Variants in MEGF11 observed in about 807,000 individuals in gnomAD.
MEGF11 encodes the protein multiple epidermal growth factor-like domains protein 11.
Under a neutral mutation model 146.6 loss-of-function variants are expected in MEGF11, and 126 were observed. That is an observed-to-expected ratio of 0.86 (90% CI 0.74 to 1.00). MEGF11 has a LOEUF of 1.00. Ranked by LOEUF, MEGF11 falls within the 50% of genes least tolerant of loss-of-function variation. The pLI is 0.00. For missense variants in MEGF11, 1,509 were observed against 1,521.2 expected, an observed-to-expected ratio of 0.99 and a Z score of 0.13; for synonymous variants, 532 against 583.4, an observed-to-expected ratio of 0.91 and a Z score of 1.27.
intron 1 of MEGF11, among the ~76,000 whole-genome samples, chr15:66,170,924 T>A (rs1319603743): frequency 6.6e-6 from 1 of 152,186 alleles, no homozygotes; most frequent in African/African-American, 2.4e-5. Flanking sequence ...GAGGTCCAGC[T>A]CAGGCTCCAA....
At chr15:66,131,479 G>A (rs1437993164) in intron 1 of MEGF11, among the ~76,000 whole-genome samples, 1 of 152,242 alleles carries the variant, frequency 6.6e-6, no homozygotes, top group Non-Finnish European at 1.5e-5. Context: ...TGCAAAGGTG[G>A]AGGCTAGAGA....
chr15:66,183,831 C>T (rs2090621418), intron 1 of MEGF11, among the ~76,000 whole-genome samples: 1 of 152,148 alleles, frequency 6.6e-6, no homozygotes, highest in Non-Finnish European at 1.5e-5. Flanking sequence ...ATGCCGCAGT[C>T]CCATGGACCT....
chr15:66,034,918 G>A (rs938662965), intron 5 of MEGF11, among the ~76,000 whole-genome samples: 1 of 152,170 alleles, frequency 6.6e-6, no homozygotes, highest in Non-Finnish European at 1.5e-5. Context: ...GTAAAAGTGA[G>A]CTCTCTCTGG....
intron 5 of MEGF11, among the ~76,000 whole-genome samples, chr15:66,028,648 G>A (rs374363091): frequency 2.0e-5 from 3 of 152,214 alleles, no homozygotes; most frequent in African/African-American, 7.2e-5. Context: ...AACCTAAATG[G>A]TCAAACAATA....
rs2081678468 is a variant in MEGF11, at chr15:65,982,341, T to C, written c.542A>G (p.His181Arg). Residue 181 changes from histidine to arginine, a missense_variant, in exon 6 of 26, where the codon CAC becomes CGC. Physicochemically the swap from His to Arg is conservative, Grantham distance 29. Transcript: ENST00000395614. This position sits in a 1 kb window ranked among gnomAD's most constrained non-coding sequence, Gnocchi z 5.6. ...GCACGGCAGCTGGCATCCCTTGCCG[T>C]GGGTGCCAGGTGCGCAGAGCTCCTC... Reference protein sequence around the residue: ...RCEELCAPGTHGKGCQLPCQC... With the variant: ...RCEELCAPGTRGKGCQLPCQC... 26 of 1,530,572 alleles carry C rather than the reference T, an allele frequency of 1.7e-5. No homozygotes were observed. Among genetic ancestry groups the C allele is most frequent in the Non-Finnish European group, 2.1e-5 (24 of 1,139,620 alleles). The allele number at this position is 1,530,572 out of a possible 1,614,324, so 94.8% of individuals were successfully genotyped here.
chr15:66,193,195 CT>C (rs1781025433), intron 1 of MEGF11, among the ~76,000 whole-genome samples: 1 of 152,172 alleles, frequency 6.6e-6, no homozygotes, highest in Non-Finnish European at 1.5e-5. Context: ...AAATCCTGTT[CT>C]TTGACTCCAA....
intron 25 of MEGF11, 134 bp downstream of exon 25, chr15:65,898,594 A>C: frequency 6.8e-7 from 1 of 1,462,458 alleles, no homozygotes. Context: ...AAGACAGTTC[A>C]CCTTAGAGAT....
At chr15:66,105,861 G>T (rs2087047444) in intron 4 of MEGF11, among the ~76,000 whole-genome samples, 1 of 152,220 alleles carries the variant, frequency 6.6e-6, no homozygotes, top group Non-Finnish European at 1.5e-5. Context: ...CAAGGCTATA[G>T]TCCCTGCACC....
intron 1 of MEGF11, among the ~76,000 whole-genome samples, chr15:66,143,998 G>A (rs1037687479): frequency 1.3e-5 from 2 of 152,124 alleles, no homozygotes; most frequent in Non-Finnish European, 2.9e-5. Flanking sequence ...GAGCTACAAA[G>A]GCAGAAATCA....
Position 65,982,049 on chromosome 15 carries a change from C to T in MEGF11, c.641+193G>A, listed in dbSNP as rs113058811. On this transcript the variant is annotated intron_variant, in intron 6 of 25. Transcript: ENST00000395614. The surrounding 1 kb of genome is among the most constrained non-coding windows in gnomAD (Gnocchi z 5.6). The stretch of plus-strand genomic sequence containing the variant: ...TTTAGACTCACAGGAGATTTCACAG[C>T]CAAGACTATCCCTCCTGGTCCCACC... Among the ~76,000 whole-genome samples the T allele has an allele frequency of 0.03, 4,601 of 152,266 alleles. 95 individuals carry two copies. The highest frequency in any genetic ancestry group is 0.051 in the Middle Eastern group (15 of 294).
chr15:66,097,810 G>T (rs1243271563), intron 4 of MEGF11, among the ~76,000 whole-genome samples: 2 of 151,394 alleles, frequency 1.3e-5, no homozygotes, highest in East Asian at 3.9e-4. Flanking sequence ...TGGTCCAGGA[G>T]CCAAGCCGAG....
At chr15:66,007,143 T>C (rs1329975894) in intron 5 of MEGF11, among the ~76,000 whole-genome samples, 1 of 152,220 alleles carries the variant, frequency 6.6e-6, no homozygotes, top group African/African-American at 2.4e-5. Context: ...GGAAGACTCA[T>C]AGGTCAGCAC....
chr15:65,899,582 A>G (rs1346421795), intron 24 of MEGF11, among the ~76,000 whole-genome samples: 1 of 152,210 alleles, frequency 6.6e-6, no homozygotes, highest in African/African-American at 2.4e-5. Flanking sequence ...GATGTCAGCA[A>G]TTTGACAGCC....
rs771128424 is a variant in MEGF11, at chr15:66,089,674, C to T, written c.394+4728G>A. Among the ~76,000 whole-genome samples the T allele has an allele frequency of 2.0e-5, 3 of 152,204 alleles. No homozygotes were observed. The South Asian group carries it at 6.2e-4, about 32-fold the overall frequency. Reference sequence around the variant, plus strand: ...CATATTTAATTTAGGAATTGGCTCACGTCCTTCTCCGTACAGCTGAAATCT... The same window carrying T: ...CATATTTAATTTAGGAATTGGCTCATGTCCTTCTCCGTACAGCTGAAATCT... On this transcript the variant is annotated intron_variant, in intron 5 of 25. Coordinates refer to ENST00000395614, the MANE Select transcript of MEGF11 (RefSeq NM_001385028.1).
chr15:66,105,204 C>G lies in MEGF11; in HGVS notation c.302-10710G>C, dbSNP rs182742142. ...CGGCCACTCCTACAAAGCCACAGGGCTCGTCCTAGTGCTTGCACCTGCTCC... is the reference window on the plus strand; with the variant it reads ...CGGCCACTCCTACAAAGCCACAGGGGTCGTCCTAGTGCTTGCACCTGCTCC... On this transcript the variant is annotated intron_variant, in intron 4 of 25. Coordinates refer to ENST00000395614, the MANE Select transcript of MEGF11 (RefSeq NM_001385028.1). 3.0e-3 allele frequency among the ~76,000 whole-genome samples: 455 copies of G among 152,272 alleles called. 2 individuals carry two copies. The highest frequency in any genetic ancestry group is 0.011 in the African/African-American group (442 of 41,546).
chr15:66,019,765 G>A (rs917004766), intron 5 of MEGF11, among the ~76,000 whole-genome samples: 3 of 152,212 alleles, frequency 2.0e-5, no homozygotes, highest in Non-Finnish European at 4.4e-5. Flanking sequence ...ACATTCTTAT[G>A]AGGATCAATA....
chr15:66,076,977 G>C (rs564619785), intron 5 of MEGF11, among the ~76,000 whole-genome samples: 1 of 152,250 alleles, frequency 6.6e-6, no homozygotes, highest in Non-Finnish European at 1.5e-5. Flanking sequence ...CCTAGGCCCA[G>C]AGCTGGTCAC....
chr15:66,048,489 A>G (rs1440187563), intron 5 of MEGF11, among the ~76,000 whole-genome samples: 1 of 152,236 alleles, frequency 6.6e-6, no homozygotes, highest in East Asian at 1.9e-4. Flanking sequence ...TGGGCTTAGC[A>G]GCCATGTGAG....
intron 1 of MEGF11, among the ~76,000 whole-genome samples, chr15:66,167,340 G>A (rs2090124746): frequency 6.6e-6 from 1 of 152,140 alleles, no homozygotes; most frequent in African/African-American, 2.4e-5. Context: ...TTTTTATACA[G>A]CTAAAGAAGG....
Sources: allele counts gnomAD v4.1 joint callset (sites outside exome capture counted in the v4.1 genomes callset), GRCh38; gene constraint gnomAD v4.1.1; non-coding constraint Gnocchi (gnomAD v3.1); transcripts MANE v1.5; gene names NCBI Gene and HGNC (gene_info 2026-07-23, HGNC 2026-07-21).